CHLSN: variants seen among roughly 807,000 people sequenced by gnomAD.
CHLSN encodes the protein protein cholesin.
the CHLSN span, among the ~76,000 whole-genome samples, chr7:1,001,484 T>G: frequency 1.1e-5 from 1 of 93,372 alleles, no homozygotes; most frequent in African/African-American, 4.4e-5. Context: ...TGTGGGTGAG[T>G]GGAGTCCTGC....
chr7:1,002,042 T>G, the CHLSN span, among the ~76,000 whole-genome samples: 1 of 43,628 alleles, frequency 2.3e-5, no homozygotes, highest in Non-Finnish European at 4.3e-5. Context: ...TGTGGGTTAG[T>G]GGAGTCCTGC....
chr7:1,052,554 G>C, the CHLSN span, among the ~76,000 whole-genome samples: 2 of 152,186 alleles, frequency 1.3e-5, no homozygotes, highest in Non-Finnish European at 2.9e-5. This position sits in a 1 kb window ranked among gnomAD's most constrained non-coding sequence, Gnocchi z 4.2. Flanking sequence ...GGAAGGAGCA[G>C]CTGCCAGGGA....
the CHLSN span, chr7:983,443 C>A: frequency 7.3e-7 from 1 of 1,369,106 alleles, no homozygotes; most frequent in Non-Finnish European, 9.5e-7. Flanking sequence ...GTCCTGGCCC[C>A]CCTCCTGGGG....
chr7:1,016,479 AGC>A, the CHLSN span, among the ~76,000 whole-genome samples: 4 of 112,804 alleles, frequency 3.5e-5, no homozygotes, highest in African/African-American at 1.6e-4. Context: ...ATAGCAGCAC[AGC>A]AGCACACAGC....
chr7:1,023,302 C>A, the CHLSN span, among the ~76,000 whole-genome samples: 1 of 152,178 alleles, frequency 6.6e-6, no homozygotes, highest in East Asian at 1.9e-4. The surrounding 1 kb of genome is among the most constrained non-coding windows in gnomAD (Gnocchi z 5.0). Context: ...AGCGCCCACA[C>A]CCGCCACCGC....
At chr7:1,024,113 T>C in the CHLSN span, among the ~76,000 whole-genome samples, 2 of 152,122 alleles carry the variant, frequency 1.3e-5, no homozygotes, top group East Asian at 3.8e-4. Flanking sequence ...AGGCATGAGT[T>C]TTCAAACTCC....
the CHLSN span, among the ~76,000 whole-genome samples, chr7:1,122,232 CGTG>C: frequency 6.6e-6 from 1 of 152,204 alleles, no homozygotes; most frequent in African/African-American, 2.4e-5. Context: ...TCAAGATGCT[CGTG>C]GGGACGGAAA....
the CHLSN span, chr7:1,010,035 G>C: frequency 6.2e-7 from 1 of 1,610,150 alleles, no homozygotes; most frequent in Non-Finnish European, 8.5e-7. Context: ...CGCAGACGCT[G>C]CCTCTCCTCT....
At chr7:1,123,332 G>A in the CHLSN span, among the ~76,000 whole-genome samples, 2 of 152,240 alleles carry the variant, frequency 1.3e-5, no homozygotes, top group Non-Finnish European at 2.9e-5. The surrounding 1 kb of genome is among the most constrained non-coding windows in gnomAD (Gnocchi z 4.4). Flanking sequence ...GGAAGAGGCT[G>A]CACGGGGCCC....
At chr7:1,016,629 TAG>T in the CHLSN span, among the ~76,000 whole-genome samples, 1 of 83,324 alleles carries the variant, frequency 1.2e-5, no homozygotes, top group African/African-American at 5.6e-5. Context: ...CAGAGCACAG[TAG>T]CGCACGCCAG....
At chr7:1,075,098 C>A in the CHLSN span, among the ~76,000 whole-genome samples, 1 of 152,156 alleles carries the variant, frequency 6.6e-6, no homozygotes, top group Non-Finnish European at 1.5e-5. Flanking sequence ...AGCAGCCTTG[C>A]CGCCACCTCC....
the CHLSN span, chr7:1,045,770 AG>A: frequency 4.6e-5 from 7 of 152,276 alleles, no homozygotes; most frequent in Non-Finnish European, 7.3e-5. Flanking sequence ...AAGTGACTTA[AG>A]AACATAGTTT....
the CHLSN span, chr7:1,026,038 T>A: frequency 6.6e-6 from 1 of 152,218 alleles, no homozygotes; most frequent in African/African-American, 2.4e-5. Flanking sequence ...TGACCCCAGA[T>A]CCCAGAGGCC....
chr7:1,040,905 C>T, the CHLSN span, among the ~76,000 whole-genome samples: 30 of 152,360 alleles, frequency 2.0e-4, no homozygotes, highest in East Asian at 1.5e-3. Flanking sequence ...CAAAGGCAGA[C>T]GTGCCGGCTG....
chr7:1,117,484 C>T, the CHLSN span, among the ~76,000 whole-genome samples: 9 of 138,310 alleles, frequency 6.5e-5, 1 homozygote, highest in African/African-American at 1.8e-4. Flanking sequence ...TTCTACGGAC[C>T]GGCTTCCATC....
At chr7:1,080,708 C>T in the CHLSN span, among the ~76,000 whole-genome samples, 102 of 152,404 alleles carry the variant, frequency 6.7e-4, no homozygotes, top group African/African-American at 2.1e-3. Flanking sequence ...TCGGCTAAGG[C>T]ACCCAGGCTC....
the CHLSN span, chr7:1,075,970 G>A: frequency 1.3e-5 from 2 of 151,832 alleles, no homozygotes; most frequent in African/African-American, 4.8e-5. Flanking sequence ...AGTCACCAAA[G>A]CCCGGGGCTG....
the CHLSN span, among the ~76,000 whole-genome samples, chr7:996,507 C>T: frequency 3.9e-5 from 6 of 152,182 alleles, no homozygotes; most frequent in Non-Finnish European, 5.9e-5. Context: ...GAGGCGGCCC[C>T]GGGGCAGCAG....
At chr7:1,087,457 A>G in the CHLSN span, among the ~76,000 whole-genome samples, 1 of 152,210 alleles carries the variant, frequency 6.6e-6, no homozygotes, top group Non-Finnish European at 1.5e-5. Context: ...CACCTTATAC[A>G]CACTGCCTGA....
Sources: allele counts gnomAD v4.1 joint callset (sites outside exome capture counted in the v4.1 genomes callset), GRCh38; gene constraint gnomAD v4.1.1; non-coding constraint Gnocchi (gnomAD v3.1); transcripts MANE v1.5; gene names NCBI Gene and HGNC (gene_info 2026-07-23, HGNC 2026-07-21).